Variants in MACROD2 observed in about 807,000 individuals in gnomAD.
The protein encoded by MACROD2 is ADP-ribose glycohydrolase MACROD2.
Under a neutral mutation model 70.4 loss-of-function variants are expected in MACROD2, and 36 were observed. The observed-to-expected ratio is 0.51, with a 90% CI of 0.39 to 0.68. The LOEUF is 0.68. Among genes scored for constraint, MACROD2 ranks in the 30% least tolerant of loss-of-function variants. The pLI, the probability that MACROD2 is intolerant of heterozygous loss-of-function variation, is 0.00. For synonymous variants in MACROD2, 172 were observed against 178.8 expected (o/e 0.96, Z 0.30); for missense variants, 496 against 538.4 (o/e 0.92, Z 0.78).
chr20:15,024,889 A>C (rs979376652), intron 5 of MACROD2, among the ~76,000 whole-genome samples: 1 of 152,180 alleles, frequency 6.6e-6, no homozygotes, highest in Non-Finnish European at 1.5e-5. Context: ...GCCCCTGTCT[A>C]AGGTACCAAC....
At position 14,867,315 on chromosome 20, in the gene MACROD2, C is replaced by T. The variant is rs117955205; in HGVS notation, c.418+182356C>T. On this transcript the variant is annotated intron_variant, in intron 5 of 17. Coordinates refer to ENST00000684519, the MANE Select transcript of MACROD2 (RefSeq NM_001351661.2). ...TTACTGTAGATTTTGAACCTTGATA[C>T]TGGCAGTGTGGATTGGCCTGTAAAT... Among the ~76,000 whole-genome samples, 141 of 152,238 alleles carry T rather than the reference C, an allele frequency of 9.3e-4. 1 individual carries two copies. Among genetic ancestry groups the T allele is most frequent in the African/African-American group, 2.9e-3 (122 of 41,558 alleles).
intron 8 of MACROD2, among the ~76,000 whole-genome samples, chr20:15,709,708 G>A (rs969071221): frequency 2.0e-5 from 3 of 152,042 alleles, no homozygotes; most frequent in African/African-American, 7.3e-5. Flanking sequence ...TATGAGGTAT[G>A]TACAGAGTTT....
At chr20:15,979,184 C>T (rs2066357519) in intron 13 of MACROD2, among the ~76,000 whole-genome samples, 1 of 152,196 alleles carries the variant, frequency 6.6e-6, no homozygotes, top group Non-Finnish European at 1.5e-5. Context: ...ATAACCCCAA[C>T]AGTTTCACTG....
rs553855987 is a variant in MACROD2, at chr20:14,290,743, A to G, written c.272-202736A>G. On this transcript the variant is annotated intron_variant, in intron 3 of 17. Transcript: ENST00000684519. ...AGCCTGGTCTCGAACTCCCGACCTC[A>G]GTTGATCCACCCGCCTCAGCCTCCC... Among the ~76,000 whole-genome samples, 14 of 152,312 alleles carry G rather than the reference A, an allele frequency of 9.2e-5. No individual in the cohort carries two copies. In the East Asian group the frequency reaches 2.7e-3, roughly 29 times the overall value.
intron 5 of MACROD2, among the ~76,000 whole-genome samples, chr20:15,015,666 G>A (rs1036912987): frequency 2.0e-5 from 3 of 152,190 alleles, no homozygotes; most frequent in Non-Finnish European, 2.9e-5. Flanking sequence ...GGACATAATT[G>A]TTGAGTTCTA....
chr20:15,453,892 A>G (rs1430378918), intron 7 of MACROD2, among the ~76,000 whole-genome samples: 36 of 152,144 alleles, frequency 2.4e-4, no homozygotes, highest in African/African-American at 2.4e-5. Context: ...TGTAGCCCCC[A>G]GAGTGGGAGG....
chr20:14,539,436 G>A (rs763155779), intron 4 of MACROD2, among the ~76,000 whole-genome samples: 70 of 152,246 alleles, frequency 4.6e-4, no homozygotes, highest in Middle Eastern at 6.8e-3. Flanking sequence ...GTAGAAGAAG[G>A]GAGAGTGTTG....
chr20:15,903,523 G>A (rs1485473789), intron 10 of MACROD2, among the ~76,000 whole-genome samples: 1 of 152,130 alleles, frequency 6.6e-6, no homozygotes. Flanking sequence ...ATCACCAGAG[G>A]GTGTGTCAAA....
At chr20:15,507,976 GAGC>G (rs767034080) in intron 8 of MACROD2, among the ~76,000 whole-genome samples, 39 of 152,212 alleles carry the variant, frequency 2.6e-4, no homozygotes, top group Non-Finnish European at 1.3e-4. Context: ...TTTAGGCGTT[GAGC>G]TGAGCTTGCC....
intron 6 of MACROD2, among the ~76,000 whole-genome samples, chr20:15,424,052 AGT>A (rs1474454058): frequency 2.6e-5 from 4 of 151,440 alleles, no homozygotes; most frequent in Non-Finnish European, 5.9e-5. Flanking sequence ...AATGTCCTCT[AGT>A]GGCACTAATC....
chr20:14,227,913 GTC>G (rs1265285208), intron 3 of MACROD2, among the ~76,000 whole-genome samples: 2 of 152,096 alleles, frequency 1.3e-5, no homozygotes, highest in African/African-American at 4.8e-5. Context: ...CAGCTGTTCA[GTC>G]TCTCTTTGTC....
chr20:14,893,596 A>T (rs1339525636), intron 5 of MACROD2: 1 of 152,082 alleles, frequency 6.6e-6, no homozygotes, highest in Non-Finnish European at 1.5e-5. Flanking sequence ...TATTTGATAG[A>T]TAAAAAATAA....
chr20:15,036,581 C>T (rs2075314950), intron 5 of MACROD2, among the ~76,000 whole-genome samples: 1 of 152,150 alleles, frequency 6.6e-6, no homozygotes, highest in Non-Finnish European at 1.5e-5. Flanking sequence ...ACTCATCTTG[C>T]TCATGGGTAC....
At chr20:14,358,927 C>G (rs1042632979) in intron 3 of MACROD2, among the ~76,000 whole-genome samples, 2 of 152,116 alleles carry the variant, frequency 1.3e-5, no homozygotes, top group Admixed American at 6.6e-5. Context: ...TGGCTCATGC[C>G]TGTAATCTCA....
At chr20:15,789,841 C>T (rs1005312366) in intron 8 of MACROD2, among the ~76,000 whole-genome samples, 2 of 151,876 alleles carry the variant, frequency 1.3e-5, no homozygotes, top group African/African-American at 4.8e-5. Flanking sequence ...TACAAAAATG[C>T]ATGTTAACAA....
chr20:15,635,028 G>C (rs1003834447), intron 8 of MACROD2, among the ~76,000 whole-genome samples: 2 of 152,174 alleles, frequency 1.3e-5, no homozygotes, highest in Non-Finnish European at 2.9e-5. Context: ...CCTGACCTCT[G>C]CTTGCAGCAG....
chr20:14,418,342 ATGTG>A (rs1760567266), intron 3 of MACROD2, among the ~76,000 whole-genome samples: 1 of 152,174 alleles, frequency 6.6e-6, no homozygotes, highest in Non-Finnish European at 1.5e-5. Flanking sequence ...GCAGTATGGT[ATGTG>A]TTCTACTGTC....
chr20:14,164,745 T>A (rs1555927852), intron 3 of MACROD2, among the ~76,000 whole-genome samples: 1 of 152,068 alleles, frequency 6.6e-6, no homozygotes, highest in Non-Finnish European at 1.5e-5. Flanking sequence ...ACCAGGTCCT[T>A]AGATGGCACG....
chr20:14,821,467 T>C (rs1290016935), intron 5 of MACROD2, among the ~76,000 whole-genome samples: 2 of 152,084 alleles, frequency 1.3e-5, no homozygotes, highest in Non-Finnish European at 2.9e-5. Context: ...CCTGGTTTAA[T>C]TGGTCTTGGG....
Sources: gnomAD v4.1 joint callset for allele counts (sites outside exome capture counted in the v4.1 genomes callset) on GRCh38, gnomAD v4.1.1 for gene constraint, MANE v1.5 for transcripts, NCBI Gene and HGNC (gene_info 2026-07-23, HGNC 2026-07-21) for gene names.